ABR: variants seen among roughly 807,000 people sequenced by gnomAD.
The protein encoded by ABR is ABR activator of RhoGEF and GTPase.
ABR carries 35 observed loss-of-function variants against 107.2 expected under a neutral mutation model. The observed-to-expected ratio is 0.33, with a 90% CI of 0.25 to 0.43. The LOEUF (loss-of-function observed/expected upper bound fraction) is 0.43. Ranked by LOEUF, ABR falls within the 20% of genes least tolerant of loss-of-function variation. The pLI is 1.00. For missense variants in ABR, 815 were observed against 1,115.2 expected, an observed-to-expected ratio of 0.73 and a Z score of 3.83; for synonymous variants, 498 against 462.0, an observed-to-expected ratio of 1.08 and a Z score of -1.00.
At chr17:1,146,260 GACACACACACACAC>G (rs60058475) in intron 1 of ABR, among the ~76,000 whole-genome samples, 3 of 140,108 alleles carry the variant, frequency 2.1e-5, no homozygotes, top group South Asian at 2.4e-4. Flanking sequence ...GGCACATGGA[GACACACACACACAC>G]ACACACACAC....
chr17:1,079,279 C>A (rs2036015792), intron 6 of ABR, 51 bp downstream of exon 6: 1 of 1,594,016 alleles, frequency 6.3e-7, no homozygotes, highest in South Asian at 1.1e-5. Context: ...CTGTTGCCTG[C>A]ACAGCCAGAC....
intron 1 of ABR, among the ~76,000 whole-genome samples, chr17:1,164,136 C>T (rs1438676552): frequency 1.1e-5 from 1 of 94,370 alleles, no homozygotes; most frequent in Non-Finnish European, 2.1e-5. Flanking sequence ...ACATGGATGT[C>T]GGAGCATCCA....
At chr17:1,174,896 C>T (rs1409169282) in intron 1 of ABR, among the ~76,000 whole-genome samples, 1 of 152,102 alleles carries the variant, frequency 6.6e-6, no homozygotes. Context: ...CTGCCTGGGG[C>T]ACACGTATGT....
At position 1,100,916 on chromosome 17, in the gene ABR, CG is replaced by C. The variant is rs370376993; in HGVS notation, c.247-182del. Reference sequence around the variant, plus strand: ...TCGGCTCACTGCAACCTCCGCCTCCCGGGTTCCAGTGATTCCCCTGCCTCAG... The same window carrying C: ...TCGGCTCACTGCAACCTCCGCCTCCCGGTTCCAGTGATTCCCCTGCCTCAG... On this transcript the variant is annotated intron_variant, in intron 2 of 22. Coordinates refer to ENST00000302538, the MANE Select transcript of ABR (RefSeq NM_021962.5). 1.9e-3 allele frequency: 1,188 copies of C among 612,572 alleles called. 8 individuals are homozygous for C. Among genetic ancestry groups the C allele is most frequent in the African/African-American group, 0.019 (1,036 of 54,214 alleles). 37.9% of individuals were successfully genotyped at this position (612,572 alleles called of 1,614,324 possible).
chr17:1,020,632 C>A (rs538833855), intron 16 of ABR, among the ~76,000 whole-genome samples: 11 of 152,252 alleles, frequency 7.2e-5, no homozygotes, highest in African/African-American at 2.4e-4. Flanking sequence ...TGGTGGAGGT[C>A]GCCTCGCCTT....
chr17:1,129,969 C>A (rs1423757504), intron 1 of ABR, among the ~76,000 whole-genome samples: 3 of 151,768 alleles, frequency 2.0e-5, no homozygotes, highest in Admixed American at 6.6e-5. Flanking sequence ...CAACCAACAA[C>A]AAAAAAACCA....
At chr17:1,191,845 C>T (rs1315423068), upstream of ABR, among the ~76,000 whole-genome samples, 2 of 152,170 alleles carry the variant, frequency 1.3e-5, no homozygotes, top group East Asian at 3.9e-4. Flanking sequence ...CCGTGCCACA[C>T]GACCGCTCCA....
chr17:1,208,166 A>G (rs2042832436), intron 1 of ABR, among the ~76,000 whole-genome samples: 1 of 152,168 alleles, frequency 6.6e-6, no homozygotes, highest in East Asian at 1.9e-4. Flanking sequence ...ATGAGTGTTT[A>G]TAAAAGAGAA....
intron 1 of ABR, among the ~76,000 whole-genome samples, chr17:1,176,971 A>G (rs1292758010): frequency 6.6e-6 from 1 of 152,152 alleles, no homozygotes; most frequent in African/African-American, 2.4e-5. Flanking sequence ...ACCAGGAACA[A>G]TGCTCAGAGA....
intron 1 of ABR, among the ~76,000 whole-genome samples, chr17:1,147,599 G>A (rs1222172354): frequency 6.6e-6 from 1 of 152,030 alleles, no homozygotes; most frequent in Non-Finnish European, 1.5e-5. Flanking sequence ...GACCTCAGGT[G>A]ACCCACCCGC....
intron 5 of ABR, among the ~76,000 whole-genome samples, chr17:1,082,871 C>T (rs1242120012): frequency 1.3e-5 from 2 of 152,178 alleles, no homozygotes; most frequent in East Asian, 3.9e-4. Flanking sequence ...GTGGCTCGCA[C>T]CTGTAATGTC....
In ABR at chr17:1,005,886, G is replaced by A; in HGVS notation, c.*194C>T. The A allele has an allele frequency of 3.3e-6, 2 of 615,142 alleles. No homozygotes were observed. The highest frequency in any genetic ancestry group is 5.8e-6 in the Non-Finnish European group (2 of 344,178). 38.1% of individuals were successfully genotyped at this position (615,142 alleles called of 1,614,324 possible). On this transcript the variant is annotated 3_prime_UTR_variant, in exon 23 of 23. Coordinates refer to ENST00000302538, the MANE Select transcript of ABR (RefSeq NM_021962.5). ...AGGGCAGGAGGTGGGATGCGGTGGTGAGGCTGGGGCTGGGCAGCCGGCTTT... is the reference window on the plus strand; with the variant it reads ...AGGGCAGGAGGTGGGATGCGGTGGTAAGGCTGGGGCTGGGCAGCCGGCTTT...
Position 1,070,857 on chromosome 17 carries a change from A to G in ABR, c.895-767T>C, listed in dbSNP as rs2035182610. Among the ~76,000 whole-genome samples the G allele has an allele frequency of 6.6e-6, 1 of 152,148 alleles. No individual in the cohort carries two copies. The highest frequency in any genetic ancestry group is 2.1e-4 in the South Asian group (1 of 4,828). ...CTGTAATACGTAGGTGAGCGTATTC[A>G]AAGTATACAATTAAGATGACCGAGG... is the stretch of plus-strand genomic sequence containing the variant. On this transcript the variant is annotated intron_variant, in intron 8 of 22. Transcript: ENST00000302538. The surrounding 1 kb of genome is among the most constrained non-coding windows in gnomAD (Gnocchi z 4.2).
Position 1,070,138 on chromosome 17 carries a change from C to T in ABR, c.895-48G>A, listed in dbSNP as rs375764524. 752 of 1,608,726 alleles carry T rather than the reference C, an allele frequency of 4.7e-4. No homozygotes were observed. Among genetic ancestry groups the T allele is most frequent in the Non-Finnish European group, 5.9e-4 (690 of 1,177,700 alleles). On this transcript the variant is annotated intron_variant, in intron 8 of 22. Transcript: ENST00000302538. This position sits in a 1 kb window ranked among gnomAD's most constrained non-coding sequence, Gnocchi z 4.2. ...CAGCCTGCTCAGAGGGGAATGCGGCCGAGGGCAGAGCCTGCACACGGGGGC... is the reference window on the plus strand; with the variant it reads ...CAGCCTGCTCAGAGGGGAATGCGGCTGAGGGCAGAGCCTGCACACGGGGGC...
At chr17:1,097,590 CAAAAAAAAA>C (rs57256346) in intron 3 of ABR, among the ~76,000 whole-genome samples, 1 of 104,762 alleles carries the variant, frequency 9.5e-6, no homozygotes, top group Admixed American at 1.1e-4. Flanking sequence ...GACTCCGTCT[CAAAAAAAAA>C]AAAAAAAAAA....
intron 1 of ABR, among the ~76,000 whole-genome samples, chr17:1,205,145 G>A (rs1027686037): frequency 1.5e-4 from 23 of 151,882 alleles, no homozygotes; most frequent in African/African-American, 5.1e-4. Context: ...CAGGTGACCC[G>A]CCCACCTCAG....
intron 1 of ABR, among the ~76,000 whole-genome samples, chr17:1,185,553 G>A (rs1019997823): frequency 8.6e-5 from 13 of 151,056 alleles, no homozygotes; most frequent in Non-Finnish European, 1.8e-4. Flanking sequence ...ACTGAGGCAG[G>A]AGAATCGCTT....
At chr17:1,026,828 C>T (rs1025758262) in intron 16 of ABR, among the ~76,000 whole-genome samples, 3 of 152,210 alleles carry the variant, frequency 2.0e-5, no homozygotes, top group Non-Finnish European at 2.9e-5. Context: ...GGGCAGTGAG[C>T]GAGGCCACTC....
intron 1 of ABR, among the ~76,000 whole-genome samples, chr17:1,174,824 C>G (rs1287823342): frequency 2.0e-5 from 3 of 152,104 alleles, no homozygotes; most frequent in Non-Finnish European, 4.4e-5. Context: ...TGCCTCTCCT[C>G]TAAGTAAGTC....
Sources: allele counts gnomAD v4.1 joint callset (sites outside exome capture counted in the v4.1 genomes callset), GRCh38; gene constraint gnomAD v4.1.1; non-coding constraint Gnocchi (gnomAD v3.1); transcripts MANE v1.5; gene names NCBI Gene and HGNC (gene_info 2026-07-23, HGNC 2026-07-21).